Variants in SH3BGRL2 observed in about 807,000 individuals in gnomAD.
SH3BGRL2 encodes the protein SH3 domain-binding glutamic acid-rich-like protein 2.
SH3BGRL2 carries 21 observed loss-of-function variants against 14.8 expected under a neutral mutation model. That is an observed-to-expected ratio of 1.42 (90% CI 1.01 to 2.05). The LOEUF is 2.05. Ranked by LOEUF, SH3BGRL2 falls within the 30% of genes most tolerant of loss-of-function variation. The probability of loss-of-function intolerance (pLI) is 0.00; values close to 1 mark genes in which losing one functional copy is unlikely to be tolerated. For synonymous variants in SH3BGRL2, 50 were observed against 47.8 expected (o/e 1.05, Z -0.19); for missense variants, 147 against 130.8 (o/e 1.12, Z -0.61).
intron 1 of SH3BGRL2, among the ~76,000 whole-genome samples, chr6:79,663,671 C>T (rs377185891): frequency 2.6e-5 from 4 of 152,074 alleles, no homozygotes; most frequent in Non-Finnish European, 4.4e-5. Context: ...GCTCAAACAT[C>T]GTGCTTAGAG....
the SH3BGRL2 span, among the ~76,000 whole-genome samples, chr6:79,619,988 T>C: frequency 2.6e-4 from 40 of 152,334 alleles, 2 homozygotes; most frequent in Admixed American, 2.1e-3. Context: ...AACAAATGTT[T>C]CTGATCTCTC....
the SH3BGRL2 span, among the ~76,000 whole-genome samples, chr6:79,548,112 T>C: frequency 1.3e-5 from 2 of 152,082 alleles, no homozygotes; most frequent in Non-Finnish European, 2.9e-5. Context: ...CAAGCTATCC[T>C]CCTGCTTCAG....
intron 1 of SH3BGRL2, among the ~76,000 whole-genome samples, chr6:79,663,593 G>A (rs1430228719): frequency 2.0e-5 from 3 of 152,180 alleles, no homozygotes; most frequent in African/African-American, 7.2e-5. Flanking sequence ...CCTACTGGGA[G>A]GTGTCTCCCA....
At chr6:79,624,857 G>T in the SH3BGRL2 span, among the ~76,000 whole-genome samples, 1 of 151,962 alleles carries the variant, frequency 6.6e-6, no homozygotes, top group Admixed American at 6.6e-5. Context: ...TATTGGTTGA[G>T]GGGGAATGTG....
the SH3BGRL2 span, among the ~76,000 whole-genome samples, chr6:79,547,034 C>A: frequency 6.6e-6 from 1 of 152,090 alleles, no homozygotes; most frequent in African/African-American, 2.4e-5. Flanking sequence ...GCATTTGAGA[C>A]AGTTCTTGGG....
chr6:79,660,254 C>A (rs1769516191), intron 1 of SH3BGRL2, among the ~76,000 whole-genome samples: 1 of 152,150 alleles, frequency 6.6e-6, no homozygotes, highest in African/African-American at 2.4e-5. Flanking sequence ...TTTGCCCATT[C>A]AGTATGATAT....
At chr6:79,643,197 G>A (rs571695733) in intron 1 of SH3BGRL2, among the ~76,000 whole-genome samples, 4 of 152,262 alleles carry the variant, frequency 2.6e-5, no homozygotes, top group Admixed American at 2.6e-4. Context: ...TAATTAAGTA[G>A]CATGTCTAGG....
chr6:79,621,127 C>T, the SH3BGRL2 span, among the ~76,000 whole-genome samples: 1 of 152,022 alleles, frequency 6.6e-6, no homozygotes, highest in African/African-American at 2.4e-5. Flanking sequence ...CTTATTCAAA[C>T]ACTTGGCATA....
Position 79,696,518 on chromosome 6 carries a change from AAC to A in SH3BGRL2, c.269_270del (p.Thr90SerfsTer25), listed in dbSNP as rs1371666093. ...YDSFFESKES[N>X]TVFSFLGLKP... ...CAGTTTTTTTGAATCCAAGGAAAGC[AAC>A]ACAGTCTTTTCATTTTTAGGCCTGA... On this transcript the variant is annotated frameshift_variant, in exon 3 of 4. Coordinates refer to ENST00000369838, the MANE Select transcript of SH3BGRL2 (RefSeq NM_031469.4). LOFTEE classifies it high-confidence loss of function. The A allele has an allele frequency of 6.3e-7, 1 of 1,580,644 alleles. No homozygotes were observed. The highest frequency in any genetic ancestry group is 2.3e-5 in the East Asian group (1 of 43,436).
At chr6:79,612,141 C>T in the SH3BGRL2 span, among the ~76,000 whole-genome samples, 3 of 151,914 alleles carry the variant, frequency 2.0e-5, no homozygotes, top group African/African-American at 7.3e-5. Flanking sequence ...AGTAAAAATA[C>T]AAAAAATTAG....
intron 1 of SH3BGRL2, among the ~76,000 whole-genome samples, chr6:79,650,235 TC>T (rs1480469588): frequency 2.6e-5 from 4 of 152,028 alleles, no homozygotes; most frequent in African/African-American, 9.7e-5. Flanking sequence ...ATACAAAAGT[TC>T]CCAGTGGCAG....
chr6:79,660,026 A>T, intron 1 of SH3BGRL2, among the ~76,000 whole-genome samples: 1 of 152,174 alleles, frequency 6.6e-6, no homozygotes, highest in Admixed American at 6.5e-5. Context: ...TTATCAGCTT[A>T]AGGAGATTTT....
the SH3BGRL2 span, among the ~76,000 whole-genome samples, chr6:79,605,173 G>T: frequency 6.6e-6 from 1 of 152,176 alleles, no homozygotes; most frequent in Non-Finnish European, 1.5e-5. Flanking sequence ...TCTGCCTTGA[G>T]ACTGCCATAC....
In SH3BGRL2 at chr6:79,666,609, A is replaced by C. The variant is rs141661697; in HGVS notation, c.46-7005A>C. 3.9e-4 allele frequency among the ~76,000 whole-genome samples: 59 copies of C among 152,294 alleles called. 1 individual carries two copies. The highest frequency in any genetic ancestry group is 1.2e-3 in the African/African-American group (49 of 41,552). ...TCCTGAGGTCTTTGACAAGGGAAAG[A>C]GCCTCAGCCCTTTCCTCCCTTGTTA... On this transcript the variant is annotated intron_variant, in intron 1 of 3. Coordinates refer to ENST00000369838, the MANE Select transcript of SH3BGRL2 (RefSeq NM_031469.4).
chr6:79,611,366 G>T, the SH3BGRL2 span, among the ~76,000 whole-genome samples: 1 of 150,072 alleles, frequency 6.7e-6, no homozygotes, highest in Non-Finnish European at 1.5e-5. Context: ...GCTAATGAAG[G>T]TTAAATCAAT....
chr6:79,540,854 T>C, the SH3BGRL2 span, among the ~76,000 whole-genome samples: 2 of 152,116 alleles, frequency 1.3e-5, no homozygotes, highest in South Asian at 4.2e-4. Flanking sequence ...TGGAAAAAAT[T>C]AGAACAGTTA....
chr6:79,602,497 T>C, the SH3BGRL2 span, among the ~76,000 whole-genome samples: 1 of 152,166 alleles, frequency 6.6e-6, no homozygotes, highest in Non-Finnish European at 1.5e-5. Context: ...GTTAATCTGC[T>C]TAGGAATGTT....
the SH3BGRL2 span, among the ~76,000 whole-genome samples, chr6:79,550,939 A>AG: frequency 6.6e-6 from 1 of 152,190 alleles, no homozygotes; most frequent in Non-Finnish European, 1.5e-5. Context: ...CAGGAAAACT[A>AG]TATTTTCTCA....
chr6:79,693,830 G>C (rs1196619462), intron 2 of SH3BGRL2, among the ~76,000 whole-genome samples: 2 of 152,166 alleles, frequency 1.3e-5, no homozygotes, highest in Admixed American at 1.3e-4. Flanking sequence ...AGTGAGATTA[G>C]ACAAAGGTTG....
Sources: gnomAD v4.1 joint callset for allele counts (sites outside exome capture counted in the v4.1 genomes callset) on GRCh38, gnomAD v4.1.1 for gene constraint, MANE v1.5 for transcripts, NCBI Gene and HGNC (gene_info 2026-07-23, HGNC 2026-07-21) for gene names.